CTXND2: variants seen among roughly 807,000 people sequenced by gnomAD.
CTXND2 encodes cortexin domain containing 2.
intron 1 of CTXND2, among the ~76,000 whole-genome samples, chr1:150,906,786 G>A (rs960432742): frequency 1.3e-5 from 2 of 152,184 alleles, no homozygotes; most frequent in Non-Finnish European, 2.9e-5. Flanking sequence ...CGAAGGAGCA[G>A]GAGCAGTGGG....
intron 1 of CTXND2, among the ~76,000 whole-genome samples, chr1:150,901,080 C>T (rs1204374045): frequency 6.6e-6 from 1 of 152,122 alleles, no homozygotes; most frequent in Non-Finnish European, 1.5e-5. Context: ...CCACTGCACT[C>T]CAGCCTGGGT....
intron 1 of CTXND2, among the ~76,000 whole-genome samples, chr1:150,909,567 G>T (rs753549110): frequency 6.6e-6 from 1 of 151,968 alleles, no homozygotes; most frequent in Non-Finnish European, 1.5e-5. Context: ...AAAGAAAAAA[G>T]TTTTAAATTT....
chr1:150,903,796 G>A lies in CTXND2; in HGVS notation c.-73-8446G>A, dbSNP rs587721769. The A allele has an allele frequency of 2.2e-5, 9 of 402,158 alleles. No homozygotes were observed. The East Asian group carries it at 3.0e-4, about 14-fold the overall frequency. 24.9% of individuals were successfully genotyped at this position (402,158 alleles called of 1,614,324 possible). On this transcript the variant is annotated intron_variant, in intron 1 of 1. Coordinates refer to ENST00000636087, the Ensembl canonical transcript of CTXND2. ...AGCCTGAGCGACAGTGTGAAACTCC[G>A]TCTCAAAAAAAAAAAAAAATTGCCT...
chr1:150,894,784 C>T (rs1668891969), intron 1 of CTXND2, among the ~76,000 whole-genome samples: 3 of 151,970 alleles, frequency 2.0e-5, no homozygotes, highest in Admixed American at 1.3e-4. Context: ...GCCTGTAATC[C>T]CAGCATTTTG....
intron 1 of CTXND2, among the ~76,000 whole-genome samples, chr1:150,888,632 A>G (rs1016536719): frequency 1.3e-5 from 2 of 151,998 alleles, no homozygotes; most frequent in Non-Finnish European, 2.9e-5. Flanking sequence ...TAAAAAATAT[A>G]CATGGCATAC....
rs796914143 is a variant in CTXND2, at chr1:150,902,404, C to CA, written c.-73-9823dup. ...CCTGGGCAACAGAGAGAGACTGCCT[C>CA]AAAAAAAAAAAAAAATTGCTGGGCA... On this transcript the variant is annotated intron_variant, in intron 1 of 1. Coordinates refer to ENST00000636087, the Ensembl canonical transcript of CTXND2. 5.6e-3 allele frequency among the ~76,000 whole-genome samples: 694 copies of CA among 123,802 alleles called. 4 individuals carry two copies. The highest frequency in any genetic ancestry group is 0.014 in the Middle Eastern group (3 of 220). The allele number at this position is 123,802 out of a possible 152,430, so 81.2% of individuals were successfully genotyped here.
intron 1 of CTXND2, among the ~76,000 whole-genome samples, chr1:150,903,626 C>T (rs1374287642): frequency 6.6e-6 from 1 of 151,686 alleles, no homozygotes; most frequent in Non-Finnish European, 1.5e-5. Flanking sequence ...AGTGACACCC[C>T]GTCGCTACTA....
chr1:150,892,548 T>TA (rs1491336088), intron 1 of CTXND2, among the ~76,000 whole-genome samples: 2 of 111,090 alleles, frequency 1.8e-5, no homozygotes, highest in Non-Finnish European at 4.1e-5. Context: ...TTTTTTTTTT[T>TA]ATTGAGACAG....
chr1:150,896,159 G>C (rs999847226), intron 1 of CTXND2, among the ~76,000 whole-genome samples: 2 of 152,172 alleles, frequency 1.3e-5, no homozygotes, highest in African/African-American at 4.8e-5. Flanking sequence ...GGGAATATGT[G>C]AGGTTTGAAT....
chr1:150,912,535 TAC>T (rs1669273728), exon 2 of CTXND2: 2 of 398,510 alleles, frequency 5.0e-6, no homozygotes, highest in East Asian at 7.1e-5. Flanking sequence ...AAATCTGTTA[TAC>T]ACACTTTATA....
At chr1:150,899,425 ACT>A (rs1341545387) in intron 1 of CTXND2, among the ~76,000 whole-genome samples, 1 of 152,124 alleles carries the variant, frequency 6.6e-6, no homozygotes, top group African/African-American at 2.4e-5. Context: ...ACACAGTGAG[ACT>A]CTATCTGTAT....
At chr1:150,888,447 C>A (rs750366416) in intron 1 of CTXND2, among the ~76,000 whole-genome samples, 1 of 151,670 alleles carries the variant, frequency 6.6e-6, no homozygotes, top group Non-Finnish European at 1.5e-5. Flanking sequence ...AACTCCTGAC[C>A]GAAGGTGATC....
chr1:150,890,097 T>C (rs1393058176), intron 1 of CTXND2, among the ~76,000 whole-genome samples: 2 of 152,130 alleles, frequency 1.3e-5, no homozygotes, highest in Admixed American at 1.3e-4. Flanking sequence ...ATCTTGAGTT[T>C]GCATGCATCT....
At chr1:150,890,794 C>T (rs587759981) in intron 1 of CTXND2, among the ~76,000 whole-genome samples, 5 of 152,240 alleles carry the variant, frequency 3.3e-5, no homozygotes, top group African/African-American at 4.8e-5. Flanking sequence ...AGAGCCACCG[C>T]GCCTGGCCCA....
exon 2 of CTXND2, chr1:150,913,076 G>A (rs1265203271): frequency 1.3e-5 from 2 of 152,082 alleles, no homozygotes; most frequent in Non-Finnish European, 2.9e-5. Context: ...ATATATCCGT[G>A]TCCTAACCCC....
chr1:150,893,836 G>A (rs1196550979), intron 1 of CTXND2, among the ~76,000 whole-genome samples: 2 of 152,030 alleles, frequency 1.3e-5, no homozygotes, highest in Non-Finnish European at 2.9e-5. Flanking sequence ...GGTTATTTAT[G>A]TCCTACTGCT....
At chr1:150,899,514 T>TA (rs1668964851) in intron 1 of CTXND2, among the ~76,000 whole-genome samples, 2 of 151,944 alleles carry the variant, frequency 1.3e-5, no homozygotes, top group Middle Eastern at 3.4e-3. Flanking sequence ...ATACAAATAG[T>TA]AAAAAAAGAA....
intron 1 of CTXND2, among the ~76,000 whole-genome samples, chr1:150,900,640 T>C (rs587683594): frequency 1.4e-5 from 2 of 142,176 alleles, no homozygotes; most frequent in Non-Finnish European, 1.5e-5. Flanking sequence ...AGAGCAAGAC[T>C]TTCTCAAAAA....
At chr1:150,898,904 T>C (rs1571599895) in intron 1 of CTXND2, among the ~76,000 whole-genome samples, 1 of 139,850 alleles carries the variant, frequency 7.2e-6, no homozygotes, top group South Asian at 2.4e-4. Context: ...AGTGAAACCC[T>C]GTCTCTACTA....
Sources: gnomAD v4.1 joint callset for allele counts (sites outside exome capture counted in the v4.1 genomes callset) on GRCh38, gnomAD v4.1.1 for gene constraint, MANE v1.5 for transcripts, NCBI Gene and HGNC (gene_info 2026-07-23, HGNC 2026-07-21) for gene names.